SOX5: variants seen among roughly 807,000 people sequenced by gnomAD.
The protein encoded by SOX5 is transcription factor SOX-5.
SOX5 carries 9 observed loss-of-function variants against 92.0 expected under a neutral mutation model. The ratio of observed to expected loss-of-function variants is 0.10; its 90% confidence interval spans 0.06 to 0.17. The LOEUF is 0.17. SOX5 is among the 10% of genes least tolerant of loss of function. The pLI, the probability that SOX5 is intolerant of heterozygous loss-of-function variation, is 1.00. For missense variants in SOX5, 642 were observed against 944.5 expected (o/e 0.68, Z 4.20); for synonymous variants, 344 against 336.3 (o/e 1.02, Z -0.25).
At chr12:23,696,342 G>A (rs909391360) in intron 6 of SOX5, among the ~76,000 whole-genome samples, 8 of 152,046 alleles carry the variant, frequency 5.3e-5, no homozygotes, top group East Asian at 1.9e-4. Flanking sequence ...CTCCTTGAGC[G>A]AGCTTTGGTA....
At chr12:24,380,145 A>G (rs1957683495) in intron 1 of SOX5, among the ~76,000 whole-genome samples, 1 of 152,224 alleles carries the variant, frequency 6.6e-6, no homozygotes, top group African/African-American at 2.4e-5. Context: ...AACCACCTCC[A>G]TTGACACACG....
At position 24,361,813 on chromosome 12, in the gene SOX5, C is replaced by G. The variant is rs189515563; in HGVS notation, c.-174+6750G>C. On this transcript the variant is annotated intron_variant, in intron 2 of 4. Coordinates refer to the SOX5 transcript ENST00000446891. ...CACTAGAATCTCCCCATAGTCTAGC[C>G]TGTCTGGTACAGCAGTCTCTCTGGG... Among the ~76,000 whole-genome samples the G allele has an allele frequency of 1.1e-4, 17 of 152,352 alleles. No homozygotes were observed. In the East Asian group the frequency reaches 1.9e-3, roughly 17 times the overall value.
intron 2 of SOX5, among the ~76,000 whole-genome samples, chr12:24,291,709 T>C (rs986725511): frequency 6.6e-6 from 1 of 152,244 alleles, no homozygotes; most frequent in Non-Finnish European, 1.5e-5. Flanking sequence ...CAGTATGGTT[T>C]GATAGTTAAT....
At chr12:23,897,576 C>G (rs1231124801) in intron 1 of SOX5, among the ~76,000 whole-genome samples, 2 of 151,976 alleles carry the variant, frequency 1.3e-5, no homozygotes, top group African/African-American at 4.8e-5. Context: ...TATAATAGCC[C>G]GTGTTTATTT....
intron 3 of SOX5, among the ~76,000 whole-genome samples, chr12:24,233,241 A>G (rs1317858857): frequency 6.6e-6 from 1 of 152,244 alleles, no homozygotes; most frequent in African/African-American, 2.4e-5. Context: ...GATAAGGGTT[A>G]AAAACTTTAG....
At chr12:24,437,021 A>C (rs942531546) in intron 1 of SOX5, among the ~76,000 whole-genome samples, 3 of 152,202 alleles carry the variant, frequency 2.0e-5, no homozygotes, top group Non-Finnish European at 4.4e-5. Context: ...ACTGCTCAGA[A>C]AAAAAGATTC....
At chr12:23,846,434 T>C (rs561347792) in intron 2 of SOX5, among the ~76,000 whole-genome samples, 29 of 152,218 alleles carry the variant, frequency 1.9e-4, no homozygotes, top group Admixed American at 1.2e-3. Flanking sequence ...ATGGTAGTAC[T>C]AGAGTAAGTC....
intron 2 of SOX5, among the ~76,000 whole-genome samples, chr12:24,332,178 G>T (rs897457481): frequency 3.3e-5 from 5 of 152,110 alleles, no homozygotes; most frequent in Admixed American, 1.3e-4. Flanking sequence ...TTAAATTTCA[G>T]AACACTGCAG....
chr12:24,476,546 G>A (rs1324012562), intron 1 of SOX5, among the ~76,000 whole-genome samples: 1 of 152,168 alleles, frequency 6.6e-6, no homozygotes, highest in East Asian at 1.9e-4. Flanking sequence ...TGGATGACCT[G>A]AACTGTAGTG....
chr12:23,841,983 A>C (rs1006992580), intron 3 of SOX5, among the ~76,000 whole-genome samples: 41 of 152,196 alleles, frequency 2.7e-4, no homozygotes, highest in Non-Finnish European at 6.0e-4. Flanking sequence ...AAAATTTTAA[A>C]AAATCATAGA....
chr12:24,298,097 G>A (rs1208063211), intron 2 of SOX5, among the ~76,000 whole-genome samples: 1 of 151,982 alleles, frequency 6.6e-6, no homozygotes, highest in African/African-American at 2.4e-5. Flanking sequence ...TTCTGAGACA[G>A]GGTCTCACTC....
intron 10 of SOX5, among the ~76,000 whole-genome samples, chr12:23,572,507 G>A (rs1046304355): frequency 3.3e-5 from 5 of 151,408 alleles, no homozygotes; most frequent in South Asian, 2.1e-4. Context: ...GATAAATGAC[G>A]TTAAGTATGT....
chr12:23,719,847 T>G (rs1593635834), intron 6 of SOX5, among the ~76,000 whole-genome samples: 2 of 150,852 alleles, frequency 1.3e-5, no homozygotes, highest in African/African-American at 4.9e-5. Flanking sequence ...TGTTCATTTC[T>G]CCTAAATTCT....
At chr12:23,599,489 G>A (rs985672757) in intron 9 of SOX5, among the ~76,000 whole-genome samples, 4 of 152,208 alleles carry the variant, frequency 2.6e-5, no homozygotes, top group African/African-American at 7.2e-5. Context: ...CCAGGGTCAC[G>A]GCAAGGTTAA....
intron 1 of SOX5, among the ~76,000 whole-genome samples, chr12:23,918,216 ACT>A (rs2097438558): frequency 6.6e-6 from 1 of 151,984 alleles, no homozygotes; most frequent in African/African-American, 2.4e-5. Context: ...ATTTTCCTTA[ACT>A]CTGTTTTTCC....
At chr12:24,361,997 A>G (rs904474396) in intron 2 of SOX5, among the ~76,000 whole-genome samples, 1 of 152,216 alleles carries the variant, frequency 6.6e-6, no homozygotes, top group African/African-American at 2.4e-5. Context: ...GAGAACCTAA[A>G]TAACTGTTTT....
intron 1 of SOX5, among the ~76,000 whole-genome samples, chr12:23,899,767 T>A (rs1196363381): frequency 6.6e-6 from 1 of 152,208 alleles, no homozygotes; most frequent in Admixed American, 6.5e-5. Flanking sequence ...CATCAACAAC[T>A]ATTTGATGAT....
intron 4 of SOX5, among the ~76,000 whole-genome samples, chr12:24,169,255 T>C (rs1337295363): frequency 6.6e-6 from 1 of 152,218 alleles, no homozygotes; most frequent in Non-Finnish European, 1.5e-5. Flanking sequence ...AAATGTATTA[T>C]TTAAAATTTC....
intron 4 of SOX5, among the ~76,000 whole-genome samples, chr12:24,110,594 T>A (rs1259050101): frequency 6.6e-6 from 1 of 152,010 alleles, no homozygotes; most frequent in Non-Finnish European, 1.5e-5. Flanking sequence ...ATTAAGAAGG[T>A]ATGGATTTAG....
Sources: allele counts gnomAD v4.1 joint callset (sites outside exome capture counted in the v4.1 genomes callset), GRCh38; gene constraint gnomAD v4.1.1; transcripts MANE v1.5; gene names NCBI Gene and HGNC (gene_info 2026-07-23, HGNC 2026-07-21).